Variants in SLC24A2 observed in about 807,000 individuals in gnomAD.
SLC24A2 encodes the protein solute carrier family 24 member 2, also known as sodium/potassium/calcium exchanger 2.
In SLC24A2, 36 loss-of-function variants were observed where a neutral mutation model predicts 62.0. The ratio of observed to expected loss-of-function variants is 0.58; its 90% CI spans 0.44 to 0.77. SLC24A2 has a LOEUF of 0.77. SLC24A2 is among the 30% of genes least tolerant of loss of function. SLC24A2 has a pLI of 0.00. For missense variants in SLC24A2, 846 were observed against 817.9 expected (o/e 1.03, Z -0.42); for synonymous variants, 358 against 294.0 (o/e 1.22, Z -2.23).
chr9:19,520,037 C>G (rs1833113777), intron 10 of SLC24A2, among the ~76,000 whole-genome samples: 1 of 152,134 alleles, frequency 6.6e-6, no homozygotes, highest in African/African-American at 2.4e-5. Flanking sequence ...TGGAGAAAAA[C>G]ATACACACAG....
At chr9:20,304,870 C>T in the SLC24A2 span, among the ~76,000 whole-genome samples, 3 of 151,250 alleles carry the variant, frequency 2.0e-5, no homozygotes, top group African/African-American at 7.3e-5. Context: ...CCCAGAGACA[C>T]GTATGAGCTC....
intron 2 of SLC24A2, among the ~76,000 whole-genome samples, chr9:19,743,315 A>G (rs184635064): frequency 6.6e-6 from 1 of 152,318 alleles, no homozygotes; most frequent in East Asian, 1.9e-4. Context: ...TGTGTAATCC[A>G]CCTTATAAAT....
chr9:20,267,524 G>A, the SLC24A2 span, among the ~76,000 whole-genome samples: 4 of 152,088 alleles, frequency 2.6e-5, no homozygotes, highest in Non-Finnish European at 4.4e-5. Context: ...CTCTGAAAAA[G>A]GGGTTCCAGC....
chr9:19,550,049 T>C, intron 8 of SLC24A2, 88 bp downstream of exon 8: 1 of 1,377,166 alleles, frequency 7.3e-7, no homozygotes, highest in Non-Finnish European at 1.0e-6. Flanking sequence ...ACTTCCTTTT[T>C]CCTTTTAACA....
intron 8 of SLC24A2, among the ~76,000 whole-genome samples, chr9:19,533,615 C>G: frequency 6.6e-6 from 1 of 152,192 alleles, no homozygotes; most frequent in East Asian, 1.9e-4. Context: ...GTATGTGGAG[C>G]AGAGACAAGC....
At chr9:19,762,380 G>C (rs1822363944) in intron 2 of SLC24A2, among the ~76,000 whole-genome samples, 2 of 152,140 alleles carry the variant, frequency 1.3e-5, no homozygotes, top group Admixed American at 1.3e-4. Flanking sequence ...TGAAGTCTTT[G>C]CCCATGCCTA....
chr9:19,544,302 C>CT (rs1367478306), intron 8 of SLC24A2, among the ~76,000 whole-genome samples: 1 of 149,302 alleles, frequency 6.7e-6, no homozygotes, highest in East Asian at 1.9e-4. Flanking sequence ...TCCTCCATCC[C>CT]TTTATTTTAA....
the SLC24A2 span, among the ~76,000 whole-genome samples, chr9:20,263,423 ATTTT>A: frequency 6.6e-6 from 1 of 151,936 alleles, no homozygotes; most frequent in South Asian, 2.1e-4. Flanking sequence ...TATTTTTTAA[ATTTT>A]TTGTAGAGAC....
At chr9:19,711,522 G>C (rs1820715036) in intron 2 of SLC24A2, among the ~76,000 whole-genome samples, 2 of 152,298 alleles carry the variant, frequency 1.3e-5, no homozygotes, top group Admixed American at 6.5e-5. Flanking sequence ...AAACTCTACT[G>C]ATTGAGGAGC....
chr9:20,065,828 T>A, the SLC24A2 span, among the ~76,000 whole-genome samples: 38 of 152,326 alleles, frequency 2.5e-4, no homozygotes, highest in African/African-American at 8.9e-4. Flanking sequence ...TTTAAAAACA[T>A]GTTCAGCCTT....
chr9:19,916,346 C>G, the SLC24A2 span, among the ~76,000 whole-genome samples: 1 of 151,986 alleles, frequency 6.6e-6, no homozygotes, highest in Non-Finnish European at 1.5e-5. Context: ...TGCGAGTCCT[C>G]CAACTTTGTT....
chr9:20,238,552 G>A, the SLC24A2 span, among the ~76,000 whole-genome samples: 1 of 152,164 alleles, frequency 6.6e-6, no homozygotes, highest in Non-Finnish European at 1.5e-5. Context: ...AGCAATCAAT[G>A]CTTTAAATGG....
the SLC24A2 span, among the ~76,000 whole-genome samples, chr9:20,213,465 G>A: frequency 2.7e-5 from 4 of 148,470 alleles, no homozygotes; most frequent in East Asian, 5.8e-4. Context: ...GGATTAATGA[G>A]GATAACATAA....
At chr9:19,635,259 A>G (rs1818281566) in intron 2 of SLC24A2, among the ~76,000 whole-genome samples, 1 of 152,202 alleles carries the variant, frequency 6.6e-6, no homozygotes, top group Non-Finnish European at 1.5e-5. Flanking sequence ...CTGTTCTAGA[A>G]TTGGGGGAAA....
the SLC24A2 span, among the ~76,000 whole-genome samples, chr9:20,154,122 T>A: frequency 1.2e-3 from 183 of 152,050 alleles, 2 homozygotes; most frequent in South Asian, 0.021. Flanking sequence ...TTTAGTCTGA[T>A]GTATATGATT....
At chr9:19,924,365 GC>G in the SLC24A2 span, among the ~76,000 whole-genome samples, 130 of 152,270 alleles carry the variant, frequency 8.5e-4, no homozygotes, top group Non-Finnish European at 1.1e-3. Flanking sequence ...CATTATGGCT[GC>G]TTTTGGGGGA....
the SLC24A2 span, among the ~76,000 whole-genome samples, chr9:20,169,275 G>C: frequency 6.6e-6 from 1 of 151,984 alleles, no homozygotes; most frequent in East Asian, 1.9e-4. Flanking sequence ...AGAGGATCAT[G>C]ACAGACAGGA....
chr9:19,724,268 C>G (rs1230853263), intron 2 of SLC24A2, among the ~76,000 whole-genome samples: 2 of 152,126 alleles, frequency 1.3e-5, no homozygotes, highest in Admixed American at 6.6e-5. Context: ...AAGTGCATAG[C>G]TGATGTTGCT....
chr9:20,003,598 T>C, the SLC24A2 span, among the ~76,000 whole-genome samples: 583 of 152,216 alleles, frequency 3.8e-3, 1 homozygote, highest in African/African-American at 0.014. Flanking sequence ...AAATAAATTA[T>C]AGATTCCACT....
Sources: allele counts gnomAD v4.1 joint callset (sites outside exome capture counted in the v4.1 genomes callset), GRCh38; gene constraint gnomAD v4.1.1; transcripts MANE v1.5; gene names NCBI Gene and HGNC (gene_info 2026-07-23, HGNC 2026-07-21).